The following CDH12 variants were observed in gnomAD, a reference collection of about 807,000 sequenced individuals.
The protein encoded by CDH12 is cadherin-12.
CDH12 carries 41 observed loss-of-function variants against 74.1 expected under a neutral mutation model. The ratio of observed to expected loss-of-function variants is 0.55; its 90% confidence interval spans 0.43 to 0.72. The LOEUF is 0.72. Among genes scored for constraint, CDH12 ranks in the 30% least tolerant of loss-of-function variants. CDH12 has a pLI of 0.00. For synonymous variants in CDH12, 399 were observed against 355.0 expected (o/e 1.12, Z -1.39); for missense variants, 945 against 977.2 (o/e 0.97, Z 0.44).
chr5:22,576,529 A>C (rs1031954989), intron 1 of CDH12, among the ~76,000 whole-genome samples: 1 of 152,212 alleles, frequency 6.6e-6, no homozygotes, highest in Admixed American at 6.5e-5. Context: ...CAATTACTGT[A>C]CAGTTATGTT....
chr5:22,384,220 T>C (rs570804024), intron 3 of CDH12, among the ~76,000 whole-genome samples: 1 of 152,132 alleles, frequency 6.6e-6, no homozygotes, highest in African/African-American at 2.4e-5. Context: ...TATTAAAAAA[T>C]GTCCATAAGA....
chr5:22,046,217 G>T (rs1243598875), intron 5 of CDH12, among the ~76,000 whole-genome samples: 1 of 151,966 alleles, frequency 6.6e-6, no homozygotes, highest in Admixed American at 6.6e-5. Flanking sequence ...AAACTGACAA[G>T]ATTTAGAACT....
At chr5:21,878,561 T>G (rs755810498) in intron 6 of CDH12, among the ~76,000 whole-genome samples, 24 of 110,442 alleles carry the variant, frequency 2.2e-4, no homozygotes, top group Non-Finnish European at 3.5e-4. Context: ...CAACCCTGTC[T>G]CTACCAAAAA....
rs754541328 is a variant in CDH12 at position 22,357,960 on chromosome 5, T to C, written c.-333+47297A>G. On this transcript the variant is annotated intron_variant, in intron 3 of 14. Coordinates refer to ENST00000382254, the MANE Select transcript of CDH12 (RefSeq NM_004061.5). ...GAGCATTTCTGTTTGGTATTTAATG[T>C]ATATCTCATTAAAAATGAGTTTTGA... Among the ~76,000 whole-genome samples the C allele has an allele frequency of 2.0e-5, 3 of 152,358 alleles. No homozygotes were observed. The South Asian group carries it at 6.2e-4, about 32-fold the overall frequency.
At chr5:22,626,868 G>A (rs546294348) in intron 1 of CDH12, among the ~76,000 whole-genome samples, 2 of 152,234 alleles carry the variant, frequency 1.3e-5, no homozygotes, top group East Asian at 1.9e-4. Flanking sequence ...AATGATACAG[G>A]AATGAAAAGA....
At chr5:22,678,871 T>C (rs1741348051) in intron 1 of CDH12, among the ~76,000 whole-genome samples, 1 of 152,130 alleles carries the variant, frequency 6.6e-6, no homozygotes, top group Admixed American at 6.6e-5. Flanking sequence ...TTTGAATACA[T>C]GTAAGGCTTG....
chr5:22,016,704 G>T (rs1377249717), intron 5 of CDH12, among the ~76,000 whole-genome samples: 1 of 151,956 alleles, frequency 6.6e-6, no homozygotes, highest in Non-Finnish European at 1.5e-5. Context: ...GGTTTTAAAA[G>T]TTCCCCAATT....
At chr5:22,815,728 C>T (rs1749356329) in intron 1 of CDH12, among the ~76,000 whole-genome samples, 1 of 143,146 alleles carries the variant, frequency 7.0e-6, no homozygotes, top group Admixed American at 7.5e-5. Flanking sequence ...TGAGATCATG[C>T]TGCTGCACTC....
At chr5:22,008,266 G>A (rs1014609095) in intron 5 of CDH12, among the ~76,000 whole-genome samples, 1 of 151,082 alleles carries the variant, frequency 6.6e-6, no homozygotes, top group Non-Finnish European at 1.5e-5. Context: ...GTCTCGCTCT[G>A]TCACCCAGGC....
chr5:22,036,668 G>C (rs1379765917), intron 5 of CDH12, among the ~76,000 whole-genome samples: 1 of 152,106 alleles, frequency 6.6e-6, no homozygotes. Context: ...TATGTACACA[G>C]AACATCTTTC....
chr5:21,899,461 C>A (rs1189245272), intron 6 of CDH12, among the ~76,000 whole-genome samples: 2 of 152,136 alleles, frequency 1.3e-5, no homozygotes, highest in Non-Finnish European at 2.9e-5. Flanking sequence ...AGGAACGAGG[C>A]TAAAGCTACA....
chr5:22,142,117 T>C (rs1220238752), intron 4 of CDH12, among the ~76,000 whole-genome samples: 1 of 152,094 alleles, frequency 6.6e-6, no homozygotes, highest in East Asian at 1.9e-4. Context: ...CAAGATGATT[T>C]TTGAACAGGT....
chr5:22,214,565 T>A (rs1267891102), intron 3 of CDH12, among the ~76,000 whole-genome samples: 1 of 152,182 alleles, frequency 6.6e-6, no homozygotes, highest in African/African-American at 2.4e-5. Flanking sequence ...AGGGCTCTAA[T>A]GTGTAGTTGG....
chr5:22,705,499 G>GCGCACA (rs1554060459), intron 1 of CDH12, among the ~76,000 whole-genome samples: 2 of 143,606 alleles, frequency 1.4e-5, no homozygotes, highest in South Asian at 2.2e-4. Context: ...CAACACACAT[G>GCGCACA]CACACACACA....
At chr5:22,761,027 C>G (rs1746200900) in intron 1 of CDH12, among the ~76,000 whole-genome samples, 1 of 152,182 alleles carries the variant, frequency 6.6e-6, no homozygotes, top group Non-Finnish European at 1.5e-5. Flanking sequence ...ATTCTTATAT[C>G]ATTTTACAAA....
intron 2 of CDH12, among the ~76,000 whole-genome samples, chr5:22,434,319 C>A (rs1203588742): frequency 6.6e-6 from 1 of 152,042 alleles, no homozygotes; most frequent in East Asian, 1.9e-4. Context: ...TTACTGGGGG[C>A]TTCAATCCAC....
At chr5:22,320,895 G>T (rs1396443659) in intron 3 of CDH12, among the ~76,000 whole-genome samples, 3 of 152,154 alleles carry the variant, frequency 2.0e-5, no homozygotes, top group Non-Finnish European at 4.4e-5. Flanking sequence ...TGAAGTGGGG[G>T]TCAGAACATA....
chr5:22,435,687 C>T (rs140762891), intron 2 of CDH12, among the ~76,000 whole-genome samples: 34 of 152,084 alleles, frequency 2.2e-4, no homozygotes, highest in East Asian at 1.2e-3. Flanking sequence ...TTCGAAATTA[C>T]GGTTTAGGAG....
intron 1 of CDH12, among the ~76,000 whole-genome samples, chr5:22,556,070 T>C (rs938748773): frequency 2.0e-5 from 3 of 151,688 alleles, no homozygotes; most frequent in African/African-American, 7.3e-5. Flanking sequence ...AAAAAAAAAA[T>C]TTCAAAGAAT....
Sources: allele counts gnomAD v4.1 joint callset (sites outside exome capture counted in the v4.1 genomes callset), GRCh38; gene constraint gnomAD v4.1.1; transcripts MANE v1.5; gene names NCBI Gene and HGNC (gene_info 2026-07-23, HGNC 2026-07-21).